The following NRCAM variants were observed in gnomAD, a reference collection of about 807,000 sequenced individuals.
NRCAM encodes the protein NgCAM-related cell adhesion molecule.
Under a neutral mutation model 156.5 loss-of-function variants are expected in NRCAM, and 83 were observed. That is an observed-to-expected ratio of 0.53 (90% CI 0.44 to 0.64). The LOEUF (loss-of-function observed/expected upper bound fraction) is 0.64. NRCAM is among the 30% of genes least tolerant of loss of function. The probability of loss-of-function intolerance (pLI) is 0.00; values close to 1 mark genes in which losing one functional copy is unlikely to be tolerated. For synonymous variants in NRCAM, 538 were observed against 563.9 expected, an observed-to-expected ratio of 0.95 and a Z score of 0.65; for missense variants, 1,417 against 1,597.3, an observed-to-expected ratio of 0.89 and a Z score of 1.92.
intron 3 of NRCAM, among the ~76,000 whole-genome samples, chr7:108,284,647 A>C (rs1246455469): frequency 6.6e-6 from 1 of 151,196 alleles, no homozygotes; most frequent in Non-Finnish European, 1.5e-5. Flanking sequence ...GCTTTTTGAG[A>C]CTCCCTGTTC....
chr7:108,228,908 TTC>T (rs1562844558), intron 8 of NRCAM, among the ~76,000 whole-genome samples: 2 of 152,194 alleles, frequency 1.3e-5, no homozygotes, highest in African/African-American at 2.4e-5. Context: ...TTACTTTACT[TTC>T]TCTGAGTGCT....
intron 20 of NRCAM, among the ~76,000 whole-genome samples, chr7:108,185,242 T>C (rs1347375595): frequency 6.6e-6 from 1 of 152,206 alleles, no homozygotes; most frequent in Non-Finnish European, 1.5e-5. Flanking sequence ...TTAAGGCGCA[T>C]ACTAAATTTC....
intron 3 of NRCAM, among the ~76,000 whole-genome samples, chr7:108,311,956 G>A (rs929339126): frequency 6.6e-6 from 1 of 152,144 alleles, no homozygotes; most frequent in Non-Finnish European, 1.5e-5. Flanking sequence ...TATTGGTTGA[G>A]ATACAGTTCT....
intron 1 of NRCAM, among the ~76,000 whole-genome samples, chr7:108,444,271 G>A (rs1400431651): frequency 1.3e-5 from 2 of 151,996 alleles, no homozygotes; most frequent in African/African-American, 4.8e-5. Flanking sequence ...TGATATCCTG[G>A]GGGTAAGGGG....
intron 3 of NRCAM, among the ~76,000 whole-genome samples, chr7:108,257,563 A>C (rs2096732102): frequency 6.6e-6 from 1 of 152,194 alleles, no homozygotes; most frequent in Admixed American, 6.5e-5. Flanking sequence ...TATGAATCTA[A>C]ATGTATTATT....
At chr7:108,302,770 T>G (rs535824354) in intron 3 of NRCAM, among the ~76,000 whole-genome samples, 1 of 152,158 alleles carries the variant, frequency 6.6e-6, no homozygotes, top group Non-Finnish European at 1.5e-5. Context: ...TCCTAAAATA[T>G]AGATGCCAAA....
At chr7:108,351,220 T>G (rs73203536) in intron 2 of NRCAM, among the ~76,000 whole-genome samples, 3,197 of 152,296 alleles carry the variant, frequency 0.021, 84 homozygotes, top group East Asian at 0.096. Context: ...TTCTGCCTTC[T>G]GCCAGGGGAT....
intron 30 of NRCAM, among the ~76,000 whole-genome samples, chr7:108,164,815 G>A (rs1359570928): frequency 6.6e-6 from 1 of 152,172 alleles, no homozygotes; most frequent in Non-Finnish European, 1.5e-5. Flanking sequence ...ACAAGAACTG[G>A]TTGTGACCTT....
chr7:108,201,553 A>C (rs1192183225), intron 13 of NRCAM, among the ~76,000 whole-genome samples: 1 of 152,220 alleles, frequency 6.6e-6, no homozygotes, highest in East Asian at 1.9e-4. Context: ...AATGGTTAAG[A>C]TGGTAAATTT....
intron 1 of NRCAM, among the ~76,000 whole-genome samples, chr7:108,445,763 T>TA (rs1563843880): frequency 6.6e-6 from 1 of 152,204 alleles, no homozygotes; most frequent in Non-Finnish European, 1.5e-5. Flanking sequence ...TCAAAGATGT[T>TA]ACATAACTTT....
At chr7:108,424,643 T>C (rs552669602) in intron 1 of NRCAM, among the ~76,000 whole-genome samples, 7 of 152,336 alleles carry the variant, frequency 4.6e-5, no homozygotes, top group Admixed American at 2.6e-4. Context: ...AGTGCAATGC[T>C]TCTCAAAGGC....
intron 11 of NRCAM, among the ~76,000 whole-genome samples, chr7:108,223,219 G>C (rs1461971133): frequency 1.3e-5 from 2 of 152,128 alleles, no homozygotes; most frequent in Middle Eastern, 3.2e-3. Flanking sequence ...GAGCACTGCT[G>C]AGCCACCTAA....
chr7:108,355,177 T>C (rs561535287), intron 2 of NRCAM, among the ~76,000 whole-genome samples: 43 of 152,304 alleles, frequency 2.8e-4, no homozygotes, highest in Admixed American at 6.5e-4. Flanking sequence ...ATTGGATAAA[T>C]TGATTCTAAA....
chr7:108,339,371 T>G (rs1333291815), intron 2 of NRCAM, among the ~76,000 whole-genome samples: 1 of 152,212 alleles, frequency 6.6e-6, no homozygotes, highest in East Asian at 1.9e-4. Context: ...AGCCAAGCCT[T>G]AAAGTACTTC....
intron 3 of NRCAM, among the ~76,000 whole-genome samples, chr7:108,284,844 G>A (rs1161721878): frequency 1.3e-5 from 2 of 152,166 alleles, no homozygotes; most frequent in Admixed American, 6.6e-5. Flanking sequence ...CGCTGGGGAG[G>A]GCAGGACACA....
intron 2 of NRCAM, among the ~76,000 whole-genome samples, chr7:108,388,907 C>A (rs13221478): frequency 0.2 from 29,534 of 149,872 alleles, 3,474 homozygotes; most frequent in South Asian, 0.35. Flanking sequence ...CTGTTCTGTT[C>A]CATTGTCTAT....
intron 1 of NRCAM, among the ~76,000 whole-genome samples, chr7:108,447,130 A>G (rs1175838914): frequency 6.6e-6 from 1 of 152,110 alleles, no homozygotes; most frequent in Non-Finnish European, 1.5e-5. Context: ...GATATTTCTG[A>G]AAAATTTTTC....
chr7:108,375,504 G>T (rs1389816081), intron 2 of NRCAM, among the ~76,000 whole-genome samples: 2 of 152,056 alleles, frequency 1.3e-5, no homozygotes, highest in Non-Finnish European at 2.9e-5. Context: ...CTCAGGAAAA[G>T]CCTGGAAATA....
chr7:108,245,660 T>A (rs1562929041), intron 3 of NRCAM, among the ~76,000 whole-genome samples: 1 of 152,192 alleles, frequency 6.6e-6, no homozygotes, highest in Non-Finnish European at 1.5e-5. Flanking sequence ...GTTTTGTGAA[T>A]CCTTCCAGAG....
Sources: allele counts gnomAD v4.1 joint callset (sites outside exome capture counted in the v4.1 genomes callset), GRCh38; gene constraint gnomAD v4.1.1; transcripts MANE v1.5; gene names NCBI Gene and HGNC (gene_info 2026-07-23, HGNC 2026-07-21).